ZBTB20: variants seen among roughly 807,000 people sequenced by gnomAD.
The protein encoded by ZBTB20 is zinc finger and BTB domain-containing protein 20.
A neutral mutation model predicts 56.9 loss-of-function variants in ZBTB20; 9 were observed. That is an observed-to-expected ratio of 0.16 (90% CI 0.10 to 0.28). The LOEUF is 0.28. Among genes scored for constraint, ZBTB20 ranks in the 10% least tolerant of loss-of-function variants. ZBTB20 has a pLI of 1.00. For synonymous variants in ZBTB20, 417 were observed against 420.7 expected (o/e 0.99, Z 0.11); for missense variants, 655 against 1,003.0 (o/e 0.65, Z 4.69).
At chr3:114,735,668 G>A (rs768490668) in intron 5 of ZBTB20, among the ~76,000 whole-genome samples, 1 of 151,996 alleles carries the variant, frequency 6.6e-6, no homozygotes, top group African/African-American at 2.4e-5. Context: ...TGATAACCAA[G>A]AAATAAGTCA....
chr3:114,967,993 A>G (rs2077718853), intron 3 of ZBTB20, among the ~76,000 whole-genome samples: 1 of 152,026 alleles, frequency 6.6e-6, no homozygotes, highest in Non-Finnish European at 1.5e-5. Flanking sequence ...TCCTGATGCT[A>G]GAGTTGTATA....
At chr3:114,428,205 T>C (rs368853353) in intron 7 of ZBTB20, among the ~76,000 whole-genome samples, 1 of 152,178 alleles carries the variant, frequency 6.6e-6, no homozygotes, top group Non-Finnish European at 1.5e-5. Flanking sequence ...CTCTCACTTT[T>C]ACGAACCAAA....
At position 114,317,847 on chromosome 3, in the gene ZBTB20, T is replaced by C. The variant is rs550837501; in HGVS notation, c.*21158A>G. ...CATGAAACGCGAGTCCAAGGGGCCA[T>C]TGGGGCAGTAGTCCAAGGGAAGCTG... On this transcript the variant is annotated 3_prime_UTR_variant, in exon 12 of 12. Transcript: ENST00000675478. 1.3e-5 allele frequency: 2 copies of C among 152,092 alleles called. No individual in the cohort carries two copies. Among genetic ancestry groups the C allele is most frequent in the Non-Finnish European group, 2.9e-5 (2 of 68,022 alleles). 9.4% of individuals were successfully genotyped at this position (152,092 alleles called of 1,614,324 possible).
At chr3:114,397,202 G>C (rs2086404540) in intron 7 of ZBTB20, among the ~76,000 whole-genome samples, 1 of 152,108 alleles carries the variant, frequency 6.6e-6, no homozygotes. Flanking sequence ...CAGAACAAAA[G>C]GCTACACATG....
At chr3:114,683,515 G>A (rs995760368) in intron 6 of ZBTB20, among the ~76,000 whole-genome samples, 2 of 152,128 alleles carry the variant, frequency 1.3e-5, no homozygotes, top group Admixed American at 6.6e-5. Flanking sequence ...AACTTAGAAG[G>A]TAATCTCAGA....
At chr3:114,505,586 T>C (rs1005531898) in intron 6 of ZBTB20, among the ~76,000 whole-genome samples, 2 of 152,186 alleles carry the variant, frequency 1.3e-5, no homozygotes, top group Non-Finnish European at 2.9e-5. Flanking sequence ...TTAACTACTC[T>C]GTCTAAAAGT....
chr3:114,366,934 T>TCG (rs2082468191), intron 10 of ZBTB20: 3 of 140,502 alleles, frequency 2.1e-5, no homozygotes, highest in Non-Finnish European at 4.7e-5. Context: ...AAACTCACTC[T>TCG]TCTAAGTTTA....
chr3:114,930,881 G>A (rs1017350637), intron 3 of ZBTB20: 2 of 245,792 alleles, frequency 8.1e-6, no homozygotes, highest in South Asian at 1.3e-4. Flanking sequence ...AATGTTACAG[G>A]CCCCTGTAGA....
chr3:114,411,905 G>T (rs982176311), intron 7 of ZBTB20, among the ~76,000 whole-genome samples: 4 of 152,152 alleles, frequency 2.6e-5, no homozygotes, highest in African/African-American at 9.7e-5. Flanking sequence ...CAAGGTTGGT[G>T]CTAGGCTTAC....
intron 6 of ZBTB20, among the ~76,000 whole-genome samples, chr3:114,628,309 T>G (rs919532402): frequency 6.6e-6 from 1 of 152,160 alleles, no homozygotes; most frequent in Non-Finnish European, 1.5e-5. Context: ...TGCTTTAAAT[T>G]TGAAGGCGTT....
intron 6 of ZBTB20, among the ~76,000 whole-genome samples, chr3:114,663,510 A>C (rs1429269975): frequency 1.3e-5 from 2 of 150,972 alleles, no homozygotes; most frequent in African/African-American, 4.9e-5. Context: ...CTAACATCAT[A>C]ATGACAGGAT....
chr3:114,683,905 G>C (rs1470189774), intron 6 of ZBTB20, among the ~76,000 whole-genome samples: 2 of 152,084 alleles, frequency 1.3e-5, no homozygotes, highest in Non-Finnish European at 2.9e-5. Context: ...ATCTGCTACA[G>C]AAGCCTGTAA....
intron 6 of ZBTB20, among the ~76,000 whole-genome samples, chr3:114,540,069 C>A (rs1437111569): frequency 6.6e-6 from 1 of 152,016 alleles, no homozygotes; most frequent in East Asian, 1.9e-4. Context: ...CTCCCATACT[C>A]CATGCTCCGA....
intron 2 of ZBTB20, among the ~76,000 whole-genome samples, chr3:115,050,514 C>A (rs942829295): frequency 6.6e-6 from 1 of 151,880 alleles, no homozygotes; most frequent in East Asian, 1.9e-4. Context: ...TTATCAAACA[C>A]CTTTATGTTT....
At chr3:114,773,889 C>A (rs2069400607) in intron 5 of ZBTB20, among the ~76,000 whole-genome samples, 1 of 152,096 alleles carries the variant, frequency 6.6e-6, no homozygotes, top group South Asian at 2.1e-4. Context: ...TTTTATATGT[C>A]ATCACCAAAG....
intron 6 of ZBTB20, among the ~76,000 whole-genome samples, chr3:114,603,552 T>C (rs552141778): frequency 6.6e-4 from 100 of 152,042 alleles, no homozygotes; most frequent in Non-Finnish European, 1.2e-3. Flanking sequence ...ATAGAAAAGA[T>C]TAGTAAATCT....
chr3:114,693,128 C>A (rs188058800), intron 6 of ZBTB20, among the ~76,000 whole-genome samples: 2 of 152,256 alleles, frequency 1.3e-5, no homozygotes, highest in Admixed American at 1.3e-4. Flanking sequence ...CAGGAAACAT[C>A]AGTGCCAACT....
intron 5 of ZBTB20, among the ~76,000 whole-genome samples, chr3:114,796,812 C>G (rs1335567111): frequency 6.6e-6 from 1 of 151,796 alleles, no homozygotes; most frequent in Non-Finnish European, 1.5e-5. Flanking sequence ...AGTGTGATTT[C>G]TAGTTGAAGA....
chr3:114,925,850 C>T (rs551692812), intron 3 of ZBTB20, among the ~76,000 whole-genome samples: 9 of 152,244 alleles, frequency 5.9e-5, no homozygotes, highest in Admixed American at 2.6e-4. Flanking sequence ...ACTTAGACAT[C>T]GTCAATGTTA....
Sources: gnomAD v4.1 joint callset for allele counts (sites outside exome capture counted in the v4.1 genomes callset) on GRCh38, gnomAD v4.1.1 for gene constraint, MANE v1.5 for transcripts, NCBI Gene and HGNC (gene_info 2026-07-23, HGNC 2026-07-21) for gene names.